The following ZCCHC2 variants were observed in gnomAD, a reference collection of about 807,000 sequenced individuals.
The protein encoded by ZCCHC2 is zinc finger CCHC-type containing 2.
ZCCHC2 carries 39 observed loss-of-function variants against 103.6 expected under a neutral mutation model. That is an observed-to-expected ratio of 0.38 (90% confidence interval 0.29 to 0.49). ZCCHC2 has a LOEUF of 0.49. Ranked by LOEUF, ZCCHC2 falls within the 20% of genes least tolerant of loss-of-function variation. The pLI is 0.96. For missense variants in ZCCHC2, 1,483 were observed against 1,491.0 expected (o/e 0.99, Z 0.09); for synonymous variants, 687 against 608.9 (o/e 1.13, Z -1.89).
chr18:62,547,806 C>T (rs2145503896), intron 4 of ZCCHC2, among the ~76,000 whole-genome samples: 1 of 152,252 alleles, frequency 6.6e-6, no homozygotes, highest in Admixed American at 6.5e-5. Context: ...AAACAATCCA[C>T]CCACCTTGGC....
rs1379751552 is a variant in ZCCHC2 at position 62,574,448 on chromosome 18, G to A, written c.2367G>A (p.Leu789=). 6.2e-7 allele frequency: 1 copy of A among 1,613,972 alleles called. No homozygotes were observed. Among genetic ancestry groups the A allele is most frequent in the South Asian group, 1.1e-5 (1 of 91,082 alleles). The change falls in exon 13 of 14, where the codon CTG becomes CTA. Residue 789 remains leucine (L), a synonymous_variant. Transcript: ENST00000269499. ...AATCGGAAAAGCACCTTGAGTTACT[G>A]GCTTCCCCTTTACCTATTCCATCAA... ...TGESEKHLEL[L]ASPLPIPSTF...
intron 1 of ZCCHC2, among the ~76,000 whole-genome samples, chr18:62,535,614 GAGA>G (rs1285608565): frequency 1.3e-5 from 2 of 152,186 alleles, no homozygotes; most frequent in Non-Finnish European, 2.9e-5. Context: ...CGGCTGCCAG[GAGA>G]AGTGCATGTC....
rs34072948 is a variant in ZCCHC2 at position 62,576,844 on chromosome 18, CTT to C, written c.*280_*281del. 0.11 allele frequency: 24,418 copies of C among 213,906 alleles called. 87 individuals are homozygous for C. The highest frequency in any genetic ancestry group is 0.18 in the South Asian group (2,285 of 12,558). The allele number at this position is 213,906 out of a possible 1,614,324, so 13.3% of individuals were successfully genotyped here. A position where few individuals can be genotyped will look rare whatever the true frequency, so the allele number is the denominator to read the frequency against. On this transcript the variant is annotated 3_prime_UTR_variant, in exon 14 of 14. Coordinates refer to ENST00000269499, the MANE Select transcript of ZCCHC2 (RefSeq NM_017742.6). ...AGACAAACTTAAATGTTGGTGCGTG[CTT>C]TTTTTTTTTTTTTTACACTGAATAC...
chr18:62,533,013 G>A (rs1914757496), intron 1 of ZCCHC2, among the ~76,000 whole-genome samples: 1 of 152,184 alleles, frequency 6.6e-6, no homozygotes, highest in Non-Finnish European at 1.5e-5. Context: ...TGGAGGCAGA[G>A]GCTGCAGTGA....
At chr18:62,560,735 A>C in intron 8 of ZCCHC2, 91 bp downstream of exon 8, 1 of 1,019,930 alleles carries the variant, frequency 9.8e-7, no homozygotes, top group Admixed American at 2.3e-5. Flanking sequence ...TTTGGCTATA[A>C]TTCTGTCATT....
In ZCCHC2 at chr18:62,575,816, G is replaced by T. The variant is rs1353121237; in HGVS notation, c.3469+266G>T. ...TTTTGAAGGAGTGTGATGGGAATTTGCATTCTGTAATGTTAAATCTCTTGC... is the reference window on the plus strand; with the variant it reads ...TTTTGAAGGAGTGTGATGGGAATTTTCATTCTGTAATGTTAAATCTCTTGC... On this transcript the variant is annotated intron_variant, in intron 13 of 13. Coordinates refer to ENST00000269499, the MANE Select transcript of ZCCHC2 (RefSeq NM_017742.6). Among the ~76,000 whole-genome samples, 3 of 151,984 alleles carry T rather than the reference G, an allele frequency of 2.0e-5. No homozygotes were observed. In the South Asian group the frequency reaches 6.2e-4, roughly 32 times the overall value.
rs1490258631 is a variant in ZCCHC2 at position 62,556,284 on chromosome 18, C to G, written c.1395C>G (p.Ser465=). Residue 465 remains serine, a synonymous_variant, in exon 6 of 14, where the codon TCC becomes TCG. Transcript: ENST00000269499. Reference sequence around the variant, plus strand: ...TCTTTCAGTCCATATCATCAGACTCCCTACACAGTATCAGTAAGCATCCTC... The same window carrying G: ...TCTTTCAGTCCATATCATCAGACTCGCTACACAGTATCAGTAAGCATCCTC... ...HSFFQSISSD[S]LHSINNLQSS... The G allele has an allele frequency of 6.2e-7, 1 of 1,601,176 alleles. No individual in the cohort carries two copies. Among genetic ancestry groups the G allele is most frequent in the Non-Finnish European group, 8.5e-7 (1 of 1,173,298 alleles).
chr18:62,584,049 C>T (rs1051078595), intron 14 of ZCCHC2, among the ~76,000 whole-genome samples: 2 of 152,082 alleles, frequency 1.3e-5, no homozygotes, highest in Admixed American at 6.5e-5. Flanking sequence ...TTGATGTTAC[C>T]GCTGCTTACA....
intron 1 of ZCCHC2, among the ~76,000 whole-genome samples, chr18:62,526,652 C>T (rs1291826982): frequency 1.3e-5 from 2 of 152,144 alleles, no homozygotes; most frequent in African/African-American, 4.8e-5. Context: ...GGCGGGCGCA[C>T]CTCCCCATCG....
At chr18:62,543,665 T>TCC in intron 3 of ZCCHC2, among the ~76,000 whole-genome samples, 1 of 152,200 alleles carries the variant, frequency 6.6e-6, no homozygotes, top group South Asian at 2.1e-4. Context: ...GCTCTAAAGC[T>TCC]CCCTCCTCCG....
At chr18:62,573,056 G>A (rs1916654194) in intron 12 of ZCCHC2, among the ~76,000 whole-genome samples, 1 of 152,198 alleles carries the variant, frequency 6.6e-6, no homozygotes, top group African/African-American at 2.4e-5. Context: ...TCTTTCTTCA[G>A]GAAGACGAAT....
At position 62,524,426 on chromosome 18, in the gene ZCCHC2, C is replaced by T. The variant is rs867506723; in HGVS notation, c.939+63C>T. On this transcript the variant is annotated intron_variant, in intron 1 of 13. Transcript: ENST00000269499. ...TCGCTGCCCCGGCGGCCTCCCCGGC[C>T]TCGCTCTCGGACGCCCCTTGCCCGA... The T allele has an allele frequency of 2.8e-6, 4 of 1,426,436 alleles. No individual in the cohort carries two copies. In the South Asian group the frequency reaches 6.0e-5, roughly 21 times the overall value. 88.4% of individuals were successfully genotyped at this position (1,426,436 alleles called of 1,614,324 possible).
chr18:62,550,280 A>G, intron 4 of ZCCHC2, 68 bp from the exon 5 acceptor site: 2 of 1,210,710 alleles, frequency 1.7e-6, no homozygotes, highest in Non-Finnish European at 2.4e-6. Context: ...TTTTATGCAT[A>G]TAACTTGTAA....
At chr18:62,575,620 A>C in intron 13 of ZCCHC2, 70 bp downstream of exon 13, 4 of 1,511,312 alleles carry the variant, frequency 2.6e-6, no homozygotes, top group Non-Finnish European at 3.6e-6. Flanking sequence ...CTTATTGATC[A>C]TGGGATTCTG....
Position 62,563,070 on chromosome 18 carries a change from G to A in ZCCHC2, c.1612G>A (p.Gly538Arg). 1 of 1,613,942 alleles carries A rather than the reference G, an allele frequency of 6.2e-7. No individual in the cohort carries two copies. Among genetic ancestry groups the A allele is most frequent in the East Asian group, 2.2e-5 (1 of 44,884 alleles). ...TACCATGCAATATTCTGAACAGAAT[G>A]GAATTGTGGATTGGAGGAAGCAAAG... ...GLTMQYSEQN[G>R]IVDWRKQSCT... Residue 538 changes from glycine to arginine, a missense_variant, in exon 9 of 14, where the codon GGA becomes AGA. By Grantham distance (125) the Gly-to-Arg change is moderately radical. This residue lies in a region of ZCCHC2 where 884 missense variants were observed against 907.5 expected (regional missense o/e 0.97). Coordinates refer to ENST00000269499, the MANE Select transcript of ZCCHC2 (RefSeq NM_017742.6).
chr18:62,565,540 G>A (rs12606993), intron 11 of ZCCHC2, among the ~76,000 whole-genome samples: 33,785 of 151,948 alleles, frequency 0.22, 4,006 homozygotes, highest in South Asian at 0.31. Flanking sequence ...GGCTTTAGGG[G>A]AATGTCAACC....
At position 62,578,145 on chromosome 18, in the gene ZCCHC2, C is replaced by CT. The variant is rs1916930540; in HGVS notation, c.*1569dup. 6.6e-6 allele frequency: 1 copy of CT among 150,818 alleles called. No individual in the cohort carries two copies. The highest frequency in any genetic ancestry group is 1.5e-5 in the Non-Finnish European group (1 of 67,668). 9.3% of individuals were successfully genotyped at this position (150,818 alleles called of 1,614,324 possible). A position where few individuals can be genotyped will look rare whatever the true frequency, so the allele number is the denominator to read the frequency against. Reference sequence around the variant, plus strand: ...TATAGCACCAATGTACATTTTGAAACTTTCTTTCAGGGGTGGGAGTTATGG... The same window carrying CT: ...TATAGCACCAATGTACATTTTGAAACTTTTCTTTCAGGGGTGGGAGTTATGG... On this transcript the variant is annotated 3_prime_UTR_variant, in exon 14 of 14. Transcript: ENST00000269499.
chr18:62,556,198 T>C lies in ZCCHC2; in HGVS notation c.1314-5T>C, dbSNP rs1414527575. On this transcript the variant is annotated splice_polypyrimidine_tract_variant and splice_region_variant and intron_variant, in intron 5 of 13. Coordinates refer to ENST00000269499, the MANE Select transcript of ZCCHC2 (RefSeq NM_017742.6). ...TTAACAAATCTCTTTTCTTTTTATG[T>C]GCAGGCAGCTATTTTCAAGTTCATC... is the stretch of plus-strand genomic sequence containing the variant. The C allele has an allele frequency of 6.3e-7, 1 of 1,589,830 alleles. No homozygotes were observed. Among genetic ancestry groups the C allele is most frequent in the South Asian group, 1.1e-5 (1 of 87,052 alleles).
chr18:62,533,614 C>T (rs1028162570), intron 1 of ZCCHC2, among the ~76,000 whole-genome samples: 1 of 151,954 alleles, frequency 6.6e-6, no homozygotes, highest in African/African-American at 2.4e-5. Context: ...AGCCTGTAAA[C>T]CCAGCACTTT....
Sources: allele counts gnomAD v4.1 joint callset (sites outside exome capture counted in the v4.1 genomes callset), GRCh38; gene constraint gnomAD v4.1.1; regional missense constraint gnomAD v4.1.1; transcripts MANE v1.5; gene names NCBI Gene and HGNC (gene_info 2026-07-23, HGNC 2026-07-21).